Variants in SPG11 observed in about 807,000 individuals in gnomAD.
SPG11 encodes SPG11 vesicle trafficking associated, spatacsin, also known as spatacsin.
In SPG11, 222 loss-of-function variants were observed where a neutral mutation model predicts 274.0. That is an observed-to-expected ratio of 0.81 (90% confidence interval 0.73 to 0.91). SPG11 has a LOEUF of 0.91. SPG11 is among the 40% of genes least tolerant of loss of function. The probability of loss-of-function intolerance (pLI) is 0.00; values close to 1 mark genes in which losing one functional copy is unlikely to be tolerated. For synonymous variants in SPG11, 1,144 were observed against 1,039.7 expected (o/e 1.10, Z -1.93); for missense variants, 3,114 against 2,872.7 (o/e 1.08, Z -1.92).
chr15:44,603,072 T>C lies in SPG11; in HGVS notation c.3521-2440A>G, dbSNP rs572261153. On this transcript the variant is annotated intron_variant, in intron 20 of 39. Coordinates refer to ENST00000261866, the MANE Select transcript of SPG11 (RefSeq NM_025137.4). ...CAGGCAATTTTTTTTTTTTTTTTTTTTGGACACAGGGTCTTGCTGTTGCCC... is the reference window on the plus strand; with the variant it reads ...CAGGCAATTTTTTTTTTTTTTTTTTCTGGACACAGGGTCTTGCTGTTGCCC... 4.0e-4 allele frequency among the ~76,000 whole-genome samples: 61 copies of C among 151,572 alleles called. No homozygotes were observed. In the South Asian group the frequency reaches 0.013, roughly 31 times the overall value.
intron 35 of SPG11, 65 bp downstream of exon 35, chr15:44,569,333 A>G: frequency 8.3e-7 from 1 of 1,200,132 alleles, no homozygotes; most frequent in Middle Eastern, 1.9e-4. Flanking sequence ...TATTCCTGAG[A>G]AAAGCTGAGG....
intron 30 of SPG11, 150 bp downstream of exon 30, chr15:44,583,664 A>G (rs2082698545): frequency 1.2e-6 from 1 of 832,406 alleles, no homozygotes; most frequent in Non-Finnish European, 2.0e-6. Flanking sequence ...TTCATTGCCT[A>G]GTTAATTGGC....
At chr15:44,650,091 A>T (rs768397022) in intron 6 of SPG11, among the ~76,000 whole-genome samples, 2 of 152,198 alleles carry the variant, frequency 1.3e-5, no homozygotes, top group African/African-American at 2.4e-5. Flanking sequence ...TAATTCCAAT[A>T]ATCACAACAT....
chr15:44,588,008 T>C (rs1472347731), intron 28 of SPG11, among the ~76,000 whole-genome samples: 1 of 152,124 alleles, frequency 6.6e-6, no homozygotes, highest in African/African-American at 2.4e-5. Context: ...TGGAAACACC[T>C]CTTTTTCCTT....
At position 44,584,182 on chromosome 15, in the gene SPG11, G is replaced by C. The variant is rs1290706556; in HGVS notation, c.5498C>G (p.Ser1833Cys). ...SRQISTSGEL[S>C]FDSLASEFSF... is the part of the protein sequence containing the mutation. ...AAACTCACTGGCTAAACTATCAAAG[G>C]AAAGTTCACCACTAGTTGAGATCTG... is the stretch of plus-strand genomic sequence containing the variant. The change falls in exon 30 of 40, where the codon TCC becomes TGC. Residue 1833 changes from serine to cysteine, a missense_variant. Ser to Cys is a moderately radical substitution (Grantham distance 112, BLOSUM62 -1). Coordinates refer to ENST00000261866, the MANE Select transcript of SPG11 (RefSeq NM_025137.4). 1 of 1,614,196 alleles carries C rather than the reference G, an allele frequency of 6.2e-7. No individual in the cohort carries two copies. The highest frequency in any genetic ancestry group is 2.2e-5 in the East Asian group (1 of 44,888).
chr15:44,632,811 A>G (rs940874102), intron 8 of SPG11, among the ~76,000 whole-genome samples: 1 of 152,158 alleles, frequency 6.6e-6, no homozygotes, highest in Non-Finnish European at 1.5e-5. Context: ...CCCACCAAAA[A>G]TTCTTATAAC....
intron 30 of SPG11, among the ~76,000 whole-genome samples, chr15:44,580,218 A>G (rs1435366394): frequency 6.6e-6 from 1 of 152,216 alleles, no homozygotes; most frequent in Non-Finnish European, 1.5e-5. Context: ...AATCAACTAC[A>G]GTACAGTAGC....
chr15:44,588,334 T>C (rs962642532), intron 28 of SPG11, among the ~76,000 whole-genome samples: 30 of 151,684 alleles, frequency 2.0e-4, no homozygotes, highest in African/African-American at 7.3e-4. Flanking sequence ...CAATTTTCTC[T>C]GAAACTTTAA....
In SPG11 at chr15:44,641,154, G is replaced by T. The variant is rs1479100311; in HGVS notation, c.1603-7517C>A. Among the ~76,000 whole-genome samples the T allele has an allele frequency of 2.0e-5, 3 of 152,100 alleles. No individual in the cohort carries two copies. The East Asian group carries it at 5.8e-4, about 29-fold the overall frequency. Reference sequence around the variant, plus strand: ...TGTGAAAATCATAATTTATAGCTGGGTGTAGTGGTAGGTGCCTGTAATCCC... The same window carrying T: ...TGTGAAAATCATAATTTATAGCTGGTTGTAGTGGTAGGTGCCTGTAATCCC... On this transcript the variant is annotated intron_variant, in intron 7 of 39. Coordinates refer to ENST00000261866, the MANE Select transcript of SPG11 (RefSeq NM_025137.4).
intron 11 of SPG11, 137 bp from the exon 12 acceptor site, chr15:44,622,936 A>C (rs2083795346): frequency 1.3e-6 from 1 of 757,208 alleles, no homozygotes; most frequent in Non-Finnish European, 2.4e-6. Context: ...TGCTCTTTCA[A>C]ACACTCATTT....
intron 17 of SPG11, 150 bp from the exon 18 acceptor site, chr15:44,611,135 A>G: frequency 1.3e-6 from 1 of 747,254 alleles, no homozygotes; most frequent in East Asian, 2.8e-5. Flanking sequence ...TAAATTTAAA[A>G]GCAATGGGAA....
rs1316969794 is a variant in SPG11, at chr15:44,613,420, A to G, written c.3145+10T>C. On this transcript the variant is annotated intron_variant, in intron 17 of 39. Coordinates refer to ENST00000261866, the MANE Select transcript of SPG11 (RefSeq NM_025137.4). ...AGCAAGTTTCTGTGTTTAATACAGT[A>G]TACCCATACCTGTTAAGTTACTGGC... The G allele has an allele frequency of 4.5e-6, 7 of 1,567,180 alleles. No homozygotes were observed. Among genetic ancestry groups the G allele is most frequent in the Non-Finnish European group, 6.2e-6 (7 of 1,137,376 alleles).
intron 1 of SPG11, 58 bp from the exon 2 acceptor site, chr15:44,660,674 A>C: frequency 2.0e-6 from 3 of 1,511,074 alleles, no homozygotes; most frequent in Non-Finnish European, 2.8e-6. Flanking sequence ...TTTACCCACA[A>C]TGGTGGGGGT....
chr15:44,578,481 G>A (rs1414705324), intron 30 of SPG11, among the ~76,000 whole-genome samples: 3 of 151,894 alleles, frequency 2.0e-5, no homozygotes, highest in African/African-American at 7.3e-5. Context: ...TAAACCTTCA[G>A]CTTTTGGCCA....
chr15:44,604,292 A>T (rs886684564), intron 20 of SPG11: 2 of 320,126 alleles, frequency 6.2e-6, no homozygotes, highest in Non-Finnish European at 1.3e-5. Context: ...GATTAAAAAA[A>T]CTGTCACATG....
In SPG11 at chr15:44,592,404, T is replaced by C; in HGVS notation, c.4670A>G (p.Glu1557Gly). 1 of 1,610,914 alleles carries C rather than the reference T, an allele frequency of 6.2e-7. No homozygotes were observed. The highest frequency in any genetic ancestry group is 8.5e-7 in the Non-Finnish European group (1 of 1,177,132). The change falls in exon 27 of 40, where the codon GAA becomes GGA. Residue 1557 changes from glutamate to glycine, a missense_variant. By Grantham distance (98) the Glu-to-Gly change is moderately conservative. Transcript: ENST00000261866. ...SPLLLVMEMY[E>G]LCMFFRNYKE... ...ATAATTCCTGAAGAACATACACAGT[T>C]CATACATCTCCATCACCAGTAGTAA... is the stretch of plus-strand genomic sequence containing the variant.
chr15:44,636,944 A>AAAAAAAAAAAAAAC (rs1567180536), intron 7 of SPG11, among the ~76,000 whole-genome samples: 1 of 119,934 alleles, frequency 8.3e-6, no homozygotes, highest in African/African-American at 3.4e-5. Flanking sequence ...AAAAAAAAAA[A>AAAAAAAAAAAAAAC]AAAAAAAAAA....
intron 7 of SPG11, among the ~76,000 whole-genome samples, chr15:44,642,936 T>C (rs963791516): frequency 2.6e-5 from 4 of 152,104 alleles, no homozygotes; most frequent in East Asian, 1.9e-4. Flanking sequence ...GGTAAGGGAA[T>C]AGGATCAGGG....
At chr15:44,566,489 C>T (rs956012043) in intron 36 of SPG11, among the ~76,000 whole-genome samples, 184 bp from the exon 37 acceptor site, 7 of 152,196 alleles carry the variant, frequency 4.6e-5, no homozygotes, top group Non-Finnish European at 8.8e-5. Context: ...CTTCACTCCG[C>T]AGTAGGATTC....
Sources: allele counts gnomAD v4.1 joint callset (sites outside exome capture counted in the v4.1 genomes callset), GRCh38; gene constraint gnomAD v4.1.1; transcripts MANE v1.5; gene names NCBI Gene and HGNC (gene_info 2026-07-23, HGNC 2026-07-21).